Variants in TMIGD2 observed in about 807,000 individuals in gnomAD.
TMIGD2 encodes transmembrane and immunoglobulin domain-containing protein 2.
Under a neutral mutation model 22.6 loss-of-function variants are expected in TMIGD2, and 18 were observed. The observed-to-expected ratio is 0.80, with a 90% confidence interval of 0.55 to 1.18. The LOEUF (loss-of-function observed/expected upper bound fraction) is 1.18. Ranked by LOEUF, TMIGD2 falls within the 50% of genes most tolerant of loss-of-function variation. TMIGD2 has a pLI of 0.00. For synonymous variants in TMIGD2, 184 were observed against 154.1 expected (o/e 1.19, Z -1.44); for missense variants, 361 against 378.2 (o/e 0.95, Z 0.38).
At chr19:4,301,145 GT>G (rs1971531412) in intron 1 of TMIGD2, among the ~76,000 whole-genome samples, 1 of 151,964 alleles carries the variant, frequency 6.6e-6, no homozygotes, top group Admixed American at 6.6e-5. Context: ...GCTAATTTTT[GT>G]ATTTTTGGTA....
intron 4 of TMIGD2, among the ~76,000 whole-genome samples, chr19:4,294,042 A>G (rs1004490254): frequency 6.6e-6 from 1 of 151,736 alleles, no homozygotes; most frequent in Non-Finnish European, 1.5e-5. Flanking sequence ...GATGACAGGC[A>G]TGAGACACCA....
chr19:4,299,921 G>A (rs1971513264), intron 1 of TMIGD2, among the ~76,000 whole-genome samples: 1 of 152,046 alleles, frequency 6.6e-6, no homozygotes, highest in Non-Finnish European at 1.5e-5. Context: ...CTATTGCCCA[G>A]TCTGGAGTGC....
intron 2 of TMIGD2, among the ~76,000 whole-genome samples, chr19:4,295,041 A>C (rs1971442884): frequency 6.6e-6 from 1 of 151,422 alleles, no homozygotes; most frequent in African/African-American, 2.4e-5. Flanking sequence ...CAGGAGGATC[A>C]CTCGAGGTCA....
rs112578282 is a variant in TMIGD2 at position 4,300,690 on chromosome 19, G to A, written c.46+1650C>T. ...ATCTTAATGGAAAGGTATAACCAGTGTGAGAAGGAAGGTATTGGGGGGTAA... is the reference window on the plus strand; with the variant it reads ...ATCTTAATGGAAAGGTATAACCAGTATGAGAAGGAAGGTATTGGGGGGTAA... On this transcript the variant is annotated intron_variant, in intron 1 of 4. Transcript: ENST00000301272. 3.8e-3 allele frequency among the ~76,000 whole-genome samples: 572 copies of A among 152,366 alleles called. 4 individuals carry two copies. The highest frequency in any genetic ancestry group is 6.0e-3 in the Non-Finnish European group (405 of 68,034).
rs201838273 is a variant in TMIGD2, at chr19:4,298,749, TA to T, written c.47-405del. On this transcript the variant is annotated intron_variant, in intron 1 of 4. Coordinates refer to ENST00000301272, the Ensembl canonical transcript of TMIGD2. Reference sequence around the variant, plus strand: ...ACACCCTGTCTCTAAAAATTTAACATAAAAAAAAAACCAAAGAACCTCACTG... The same window carrying T: ...ACACCCTGTCTCTAAAAATTTAACATAAAAAAAAACCAAAGAACCTCACTG... 1.6e-4 allele frequency among the ~76,000 whole-genome samples: 24 copies of T among 146,810 alleles called. No individual in the cohort carries two copies. The East Asian group carries it at 1.8e-3, about 11-fold the overall frequency.
Position 4,297,974 on chromosome 19 carries a change from T to G in TMIGD2, c.406+12A>C, listed in dbSNP as rs778433181. 6.4e-7 allele frequency: 1 copy of G among 1,553,648 alleles called. No individual in the cohort carries two copies. The highest frequency in any genetic ancestry group is 1.2e-5 in the South Asian group (1 of 82,220). On this transcript the variant is annotated intron_variant, in intron 2 of 4. Transcript: ENST00000301272. Reference sequence around the variant, plus strand: ...CCCCACTGCCCCTCCCTCTCCCCGCTGGCTCCCGTACCTGGGTCCACAAAG... The same window carrying G: ...CCCCACTGCCCCTCCCTCTCCCCGCGGGCTCCCGTACCTGGGTCCACAAAG...
Position 4,292,767 on chromosome 19 carries a change from C to T in TMIGD2, c.681G>A (p.Pro227=), listed in dbSNP as rs146411562. 2.4e-5 allele frequency: 38 copies of T among 1,610,974 alleles called. No individual in the cohort carries two copies. The African/African-American group carries it at 4.0e-4, about 17-fold the overall frequency. The change falls in exon 5 of 5, where the codon CCG becomes CCA. Residue 227 remains proline (P), a synonymous_variant. Coordinates refer to ENST00000301272, the Ensembl canonical transcript of TMIGD2. Reference sequence around the variant, plus strand: ...GGTGCGGCTGGCGGGGGGCCGGTTGCGGGAAGGAGGTTGAATAAATGCTCT... The same window carrying T: ...GGTGCGGCTGGCGGGGGGCCGGTTGTGGGAAGGAGGTTGAATAAATGCTCT...
At chr19:4,295,455 G>A (rs1324037172) in intron 2 of TMIGD2, among the ~76,000 whole-genome samples, 4 of 151,746 alleles carry the variant, frequency 2.6e-5, no homozygotes, top group Non-Finnish European at 4.4e-5. Context: ...AGCTACTCGG[G>A]AGGCTGAGGC....
intron 2 of TMIGD2, among the ~76,000 whole-genome samples, chr19:4,295,847 C>T (rs760447793): frequency 3.3e-5 from 5 of 152,290 alleles, no homozygotes; most frequent in Admixed American, 2.0e-4. Context: ...CACCTCAGCT[C>T]GGAGATCCTA....
At chr19:4,299,989 A>G (rs1431408745) in intron 1 of TMIGD2, among the ~76,000 whole-genome samples, 3 of 151,328 alleles carry the variant, frequency 2.0e-5, no homozygotes, top group African/African-American at 7.3e-5. Context: ...GGCCGGGTGC[A>G]GTGGCTCACG....
exon 4 of TMIGD2, chr19:4,294,604 G>A (rs1971434048): frequency 6.2e-7 from 1 of 1,611,038 alleles, no homozygotes; most frequent in Non-Finnish European, 8.5e-7. Flanking sequence ...GGCAGCTGCG[G>A]CGGCCCCAGA....
intron 2 of TMIGD2, 125 bp downstream of exon 2, chr19:4,297,861 A>T: frequency 1.1e-6 from 1 of 934,638 alleles, no homozygotes; most frequent in South Asian, 2.6e-5. Context: ...TGTCTCTTAA[A>T]AAAAAAAAAA....
intron 1 of TMIGD2, among the ~76,000 whole-genome samples, chr19:4,301,530 C>T (rs779560246): frequency 3.9e-5 from 6 of 152,218 alleles, no homozygotes; most frequent in Non-Finnish European, 5.9e-5. Flanking sequence ...ATTAGCCAGG[C>T]GCAGTGGCGC....
At chr19:4,298,389 A>T (rs767666112) in intron 1 of TMIGD2, 44 bp from the exon 2 acceptor site, 1 of 1,509,478 alleles carries the variant, frequency 6.6e-7, no homozygotes, top group Admixed American at 2.1e-5. Context: ...GACTGTGCGC[A>T]TGTGAGGCTG....
intron 2 of TMIGD2, among the ~76,000 whole-genome samples, chr19:4,297,422 T>G (rs1599524758): frequency 6.6e-6 from 1 of 152,138 alleles, no homozygotes; most frequent in Admixed American, 6.6e-5. Flanking sequence ...CAGGCTGGAG[T>G]GCAGTGGTGC....
chr19:4,294,462 C>T, intron 4 of TMIGD2, 117 bp downstream of exon 4: 2 of 970,558 alleles, frequency 2.1e-6, no homozygotes, highest in Non-Finnish European at 3.2e-6. Context: ...CAGGCTTCTC[C>T]TCCCTTCATC....
In TMIGD2 at chr19:4,292,674, CAT is replaced by C; in HGVS notation, c.772_773del (p.Met258GlyfsTer6). 1 of 1,605,172 alleles carries C rather than the reference CAT, an allele frequency of 6.2e-7. No homozygotes were observed. Among genetic ancestry groups the C allele is most frequent in the African/African-American group, 1.3e-5 (1 of 74,414 alleles). ...GGCTTGGTCTAGGAGAGACCCTGAC[CAT>C]AGAGACGGGGTGGCCGGGCCTGGGG... On this transcript the variant is annotated frameshift_variant, in exon 5 of 5. Transcript: ENST00000301272. LOFTEE classifies it low-confidence loss of function (END_TRUNC).
chr19:4,292,644 G>T, exon 5 of TMIGD2: 1 of 1,612,594 alleles, frequency 6.2e-7, no homozygotes, highest in Admixed American at 1.7e-5. Flanking sequence ...TCGGCTGCTG[G>T]GTGGGGCTTG....
At chr19:4,292,687 T>C (rs1273707689) in exon 5 of TMIGD2, 1 of 1,602,628 alleles carries the variant, frequency 6.2e-7, no homozygotes, top group Non-Finnish European at 8.5e-7. Flanking sequence ...AGAGACGGGG[T>C]GGCCGGGCCT....
Sources: gnomAD v4.1 joint callset for allele counts (sites outside exome capture counted in the v4.1 genomes callset) on GRCh38, gnomAD v4.1.1 for gene constraint, MANE v1.5 for transcripts, NCBI Gene and HGNC (gene_info 2026-07-23, HGNC 2026-07-21) for gene names.